The following CSMD2 variants were observed in gnomAD, a reference collection of about 807,000 sequenced individuals.
CSMD2 encodes CUB and sushi domain-containing protein 2.
CSMD2 carries 130 observed loss-of-function variants against 398.5 expected under a neutral mutation model. The observed-to-expected ratio is 0.33, with a 90% confidence interval of 0.28 to 0.38. The LOEUF (loss-of-function observed/expected upper bound fraction) is 0.38, where lower values mean the gene tolerates loss of function less well. Ranked by LOEUF, CSMD2 falls within the 10% of genes least tolerant of loss-of-function variation. CSMD2 has a pLI of 1.00. For missense variants in CSMD2, 3,829 were observed against 4,764.9 expected (o/e 0.80, Z 5.78); for synonymous variants, 1,828 against 1,908.5 (o/e 0.96, Z 1.10).
chr1:33,582,417 G>A (rs1286977279), intron 47 of CSMD2, among the ~76,000 whole-genome samples: 1 of 152,188 alleles, frequency 6.6e-6, no homozygotes, highest in Non-Finnish European at 1.5e-5. Flanking sequence ...ACTGCAGGAT[G>A]AGAAAAGCTG....
intron 15 of CSMD2, among the ~76,000 whole-genome samples, chr1:33,730,421 A>G (rs1464354241): frequency 6.6e-6 from 1 of 152,240 alleles, no homozygotes; most frequent in African/African-American, 2.4e-5. Flanking sequence ...CTATGTAAAT[A>G]TTTTAAATAA....
At chr1:34,091,573 A>G (rs920014601) in intron 1 of CSMD2, among the ~76,000 whole-genome samples, 5 of 152,196 alleles carry the variant, frequency 3.3e-5, no homozygotes, top group African/African-American at 1.2e-4. Context: ...TTTAGGGATT[A>G]ACTGACAAAG....
intron 5 of CSMD2, among the ~76,000 whole-genome samples, chr1:33,897,905 G>T (rs1319399339): frequency 2.0e-5 from 3 of 152,192 alleles, no homozygotes; most frequent in East Asian, 3.9e-4. Flanking sequence ...CTCCCATTTT[G>T]CAGATGAGGA....
At chr1:34,139,362 G>A (rs538705593) in intron 1 of CSMD2, among the ~76,000 whole-genome samples, 10 of 152,316 alleles carry the variant, frequency 6.6e-5, no homozygotes, top group African/African-American at 2.4e-4. Flanking sequence ...TCTGCAGAGA[G>A]TCCCCACTAG....
At chr1:33,540,452 C>T in intron 60 of CSMD2, 73 bp downstream of exon 60, 1 of 1,536,150 alleles carries the variant, frequency 6.5e-7, no homozygotes, top group East Asian at 2.3e-5. Flanking sequence ...GCCTTCCAGC[C>T]ACAAAGCTCC....
intron 25 of CSMD2, among the ~76,000 whole-genome samples, chr1:33,672,146 G>A (rs12410055): frequency 0.16 from 23,633 of 152,124 alleles, 2,099 homozygotes; most frequent in Admixed American, 0.24. Context: ...GCAGTGCACC[G>A]TGTGTGAGCC....
At chr1:33,626,955 G>A (rs1429986055) in intron 32 of CSMD2, among the ~76,000 whole-genome samples, 1 of 152,134 alleles carries the variant, frequency 6.6e-6, no homozygotes, top group Non-Finnish European at 1.5e-5. Context: ...TACCAAGCCG[G>A]CTGACTGGTG....
At chr1:33,570,606 T>C (rs151065913) in intron 51 of CSMD2, among the ~76,000 whole-genome samples, 1 of 152,294 alleles carries the variant, frequency 6.6e-6, no homozygotes, top group Non-Finnish European at 1.5e-5. Context: ...AGCATATCCC[T>C]ATCGTAGTGC....
At chr1:33,908,617 C>T (rs1570469036) in intron 5 of CSMD2, among the ~76,000 whole-genome samples, 3 of 152,222 alleles carry the variant, frequency 2.0e-5, no homozygotes, top group South Asian at 4.1e-4. Flanking sequence ...GCCGCTGTGC[C>T]CACTGCGACA....
At chr1:33,755,674 G>T (rs879280336) in intron 13 of CSMD2, among the ~76,000 whole-genome samples, 1 of 152,126 alleles carries the variant, frequency 6.6e-6, no homozygotes, top group African/African-American at 2.4e-5. Flanking sequence ...AGAGAAAGGG[G>T]TCTCACTGTC....
chr1:33,650,039 A>T (rs752148203), intron 28 of CSMD2, among the ~76,000 whole-genome samples: 1 of 152,142 alleles, frequency 6.6e-6, no homozygotes, highest in African/African-American at 2.4e-5. Flanking sequence ...GCTTCTTGAC[A>T]TCTGCTCTTT....
chr1:33,808,204 G>A (rs923146348), intron 10 of CSMD2, among the ~76,000 whole-genome samples: 1 of 152,038 alleles, frequency 6.6e-6, no homozygotes, highest in African/African-American at 2.4e-5. Context: ...TCCTCCCTCT[G>A]CCGTTGATTG....
chr1:33,692,086 C>G (rs1016192751), intron 25 of CSMD2, among the ~76,000 whole-genome samples: 3 of 152,164 alleles, frequency 2.0e-5, no homozygotes, highest in Non-Finnish European at 2.9e-5. Flanking sequence ...GTTTTCTCAT[C>G]TATAAAATGG....
chr1:34,045,038 TACACACACACACACACAC>T (rs10588687), intron 2 of CSMD2, among the ~76,000 whole-genome samples: 36 of 142,840 alleles, frequency 2.5e-4, no homozygotes, highest in East Asian at 8.1e-4. Context: ...TCACACACCA[TACACACACACACACACAC>T]ACACACACAC....
Position 33,780,885 on chromosome 1 carries a change from T to C in CSMD2, c.1663+7715A>G, listed in dbSNP as rs960634444. Among the ~76,000 whole-genome samples, 2 of 152,290 alleles carry C rather than the reference T, an allele frequency of 1.3e-5. 1 individual carries two copies. The highest frequency in any genetic ancestry group is 2.9e-5 in the Non-Finnish European group (2 of 68,020). On this transcript the variant is annotated intron_variant, in intron 12 of 70. Transcript: ENST00000373381. ...TGGAATGTTTGGGCCTTCCAGTTTA[T>C]GGGGAAAAGACAAGAAATAGAGGTG... is the stretch of plus-strand genomic sequence containing the variant.
At chr1:33,602,242 G>T (rs578006292) in intron 43 of CSMD2, 127 bp downstream of exon 43, 2 of 951,902 alleles carry the variant, frequency 2.1e-6, no homozygotes, top group Non-Finnish European at 3.2e-6. Flanking sequence ...AACCCAGGAG[G>T]CTGACAGCCT....
At position 33,730,617 on chromosome 1, in the gene CSMD2, G is replaced by GA. The variant is rs59364675; in HGVS notation, c.2369-3933dup. ...ACCTTAATAGGATACAAAAAGAAATGAAAAAAAAAAAAACCCTTAAACTAT... is the reference window on the plus strand; with the variant it reads ...ACCTTAATAGGATACAAAAAGAAATGAAAAAAAAAAAAAACCCTTAAACTAT... On this transcript the variant is annotated intron_variant, in intron 15 of 70. Coordinates refer to ENST00000373381, the MANE Select transcript of CSMD2 (RefSeq NM_001281956.2). Among the ~76,000 whole-genome samples the GA allele has an allele frequency of 6.1e-3, 840 of 138,084 alleles. 3 individuals carry two copies. Among genetic ancestry groups the GA allele is most frequent in the Non-Finnish European group, 9.1e-3 (566 of 62,086 alleles). 90.6% of individuals were successfully genotyped at this position (138,084 alleles called of 152,430 possible). A position where few individuals can be genotyped will look rare whatever the true frequency, so the allele number is the denominator to read the frequency against.
At chr1:33,833,576 C>G (rs1659867087) in intron 6 of CSMD2, among the ~76,000 whole-genome samples, 1 of 147,208 alleles carries the variant, frequency 6.8e-6, no homozygotes. Flanking sequence ...GAAGCATTCC[C>G]TTTGAAAACT....
At chr1:33,887,060 G>A (rs942507221) in intron 5 of CSMD2, among the ~76,000 whole-genome samples, 6 of 151,916 alleles carry the variant, frequency 3.9e-5, no homozygotes, top group South Asian at 2.1e-4. Flanking sequence ...TCCAAAGTCC[G>A]TTCTCTTTCT....
Sources: allele counts gnomAD v4.1 joint callset (sites outside exome capture counted in the v4.1 genomes callset), GRCh38; gene constraint gnomAD v4.1.1; transcripts MANE v1.5; gene names NCBI Gene and HGNC (gene_info 2026-07-23, HGNC 2026-07-21).